FAM114A1: variants seen among roughly 807,000 people sequenced by gnomAD.
The protein encoded by FAM114A1 is protein NOXP20.
In FAM114A1, 62 loss-of-function variants were observed where a neutral mutation model predicts 64.3. The observed-to-expected ratio is 0.96, with a 90% CI of 0.79 to 1.19. The LOEUF is 1.19. Ranked by LOEUF, FAM114A1 falls within the 50% of genes most tolerant of loss-of-function variation. The pLI is 0.00. For missense variants in FAM114A1, 645 were observed against 676.3 expected (o/e 0.95, Z 0.51); for synonymous variants, 254 against 251.1 (o/e 1.01, Z -0.11).
intron 14 of FAM114A1, among the ~76,000 whole-genome samples, chr4:38,942,138 A>G (rs1400994986): frequency 2.0e-5 from 3 of 152,208 alleles, no homozygotes; most frequent in African/African-American, 7.2e-5. Flanking sequence ...CCCATGATTC[A>G]ATTACTTCCC....
In FAM114A1 at chr4:38,904,715, G is replaced by A. The variant is rs1717819400; in HGVS notation, c.437-807G>A. On this transcript the variant is annotated intron_variant, in intron 4 of 14. Coordinates refer to ENST00000358869, the MANE Select transcript of FAM114A1 (RefSeq NM_138389.4). The stretch of plus-strand genomic sequence containing the variant: ...TTTAAAGAAACATTCTGAGGCTCAG[G>A]TGATTTCAATCCAACCAATATTAAT... 2.6e-5 allele frequency among the ~76,000 whole-genome samples: 4 copies of A among 152,210 alleles called. No individual in the cohort carries two copies. In the South Asian group the frequency reaches 6.2e-4, roughly 24 times the overall value.
intron 12 of FAM114A1, among the ~76,000 whole-genome samples, chr4:38,935,152 G>C (rs755707488): frequency 6.6e-6 from 1 of 151,968 alleles, no homozygotes; most frequent in African/African-American, 2.4e-5. Flanking sequence ...CCTGACCTCC[G>C]GTGATCCACC....
intron 3 of FAM114A1, among the ~76,000 whole-genome samples, chr4:38,884,480 A>G (rs1459627048): frequency 1.3e-5 from 2 of 152,190 alleles, no homozygotes; most frequent in South Asian, 4.1e-4. Flanking sequence ...TCAGCCCTGG[A>G]AGGTTTCTGT....
At chr4:38,891,427 G>T (rs753271039) in intron 3 of FAM114A1, among the ~76,000 whole-genome samples, 9 of 152,092 alleles carry the variant, frequency 5.9e-5, no homozygotes, top group Admixed American at 1.3e-4. Flanking sequence ...GCCCTCATGC[G>T]TATCTTTTTC....
chr4:38,923,227 T>A (rs2109755233), intron 9 of FAM114A1, among the ~76,000 whole-genome samples: 1 of 149,636 alleles, frequency 6.7e-6, no homozygotes, highest in South Asian at 2.2e-4. Flanking sequence ...GCTGCCACTT[T>A]TTTTTTTTTT....
chr4:38,913,973 G>A (rs1718800621), intron 7 of FAM114A1, among the ~76,000 whole-genome samples: 1 of 151,838 alleles, frequency 6.6e-6, no homozygotes, highest in Non-Finnish European at 1.5e-5. Context: ...GGTGGCGGGT[G>A]CCTGTAATCC....
chr4:38,879,441 G>A (rs956203710), intron 3 of FAM114A1, among the ~76,000 whole-genome samples: 6 of 152,144 alleles, frequency 3.9e-5, no homozygotes, highest in Non-Finnish European at 8.8e-5. Flanking sequence ...ATGTCTCTGC[G>A]CTTCAGGTTT....
intron 3 of FAM114A1, among the ~76,000 whole-genome samples, chr4:38,886,360 G>A (rs1161843915): frequency 4.0e-5 from 6 of 151,236 alleles, no homozygotes; most frequent in Admixed American, 2.0e-4. Flanking sequence ...TAGTAGAGAC[G>A]GGGTTTCACC....
At chr4:38,895,443 T>C (rs1716836834) in intron 4 of FAM114A1, among the ~76,000 whole-genome samples, 1 of 152,160 alleles carries the variant, frequency 6.6e-6, no homozygotes, top group Non-Finnish European at 1.5e-5. Context: ...CTAAGGATGA[T>C]CTCTCTTTTG....
At chr4:38,923,093 A>G (rs945403685) in intron 9 of FAM114A1, among the ~76,000 whole-genome samples, 200 bp downstream of exon 9, 2 of 152,114 alleles carry the variant, frequency 1.3e-5, no homozygotes, top group African/African-American at 4.8e-5. Context: ...GGGAACTCCT[A>G]TTGGTCCTCT....
intron 2 of FAM114A1, among the ~76,000 whole-genome samples, chr4:38,873,938 G>A (rs984124839): frequency 6.6e-6 from 1 of 152,076 alleles, no homozygotes; most frequent in East Asian, 1.9e-4. Context: ...GGAAGTAAGG[G>A]GAAGAGCTGC....
chr4:38,910,418 G>A (rs980422361), intron 7 of FAM114A1, among the ~76,000 whole-genome samples: 1 of 152,180 alleles, frequency 6.6e-6, no homozygotes, highest in Non-Finnish European at 1.5e-5. Flanking sequence ...GTCCCAGGGG[G>A]CTCTCATGGC....
At chr4:38,933,433 C>T (rs761119300) in intron 12 of FAM114A1, among the ~76,000 whole-genome samples, 54 of 152,184 alleles carry the variant, frequency 3.5e-4, no homozygotes, top group Non-Finnish European at 5.9e-4. Context: ...GGACTTATAC[C>T]AGGTCTCCAC....
intron 12 of FAM114A1, among the ~76,000 whole-genome samples, chr4:38,934,692 T>TA (rs1223857450): frequency 6.6e-6 from 1 of 152,216 alleles, no homozygotes; most frequent in Non-Finnish European, 1.5e-5. Context: ...TTGTTTTTGT[T>TA]AAATATTTGT....
chr4:38,936,098 G>T (rs553493803), intron 13 of FAM114A1, among the ~76,000 whole-genome samples: 1,670 of 140,314 alleles, frequency 0.012, 25 homozygotes, highest in South Asian at 0.055. Context: ...TGTTTTTTTT[G>T]TTTTTTTTTT....
intron 4 of FAM114A1, among the ~76,000 whole-genome samples, chr4:38,902,243 G>T: frequency 6.6e-6 from 1 of 152,130 alleles, no homozygotes; most frequent in East Asian, 1.9e-4. Context: ...TACCTCATAA[G>T]ATCATTGAGA....
chr4:38,874,218 G>A (rs1158783285), intron 2 of FAM114A1, among the ~76,000 whole-genome samples: 1 of 152,166 alleles, frequency 6.6e-6, no homozygotes, highest in South Asian at 2.1e-4. Flanking sequence ...CTGTAAAATG[G>A]AGCTGATAAC....
At chr4:38,875,859 AT>A (rs1461671889) in intron 2 of FAM114A1, among the ~76,000 whole-genome samples, 4 of 152,182 alleles carry the variant, frequency 2.6e-5, no homozygotes, top group South Asian at 4.1e-4. Context: ...GAGACAGAAC[AT>A]TTTTATCACC....
At chr4:38,891,329 T>G (rs1716361876) in intron 3 of FAM114A1, among the ~76,000 whole-genome samples, 1 of 149,738 alleles carries the variant, frequency 6.7e-6, no homozygotes, top group African/African-American at 2.5e-5. Flanking sequence ...AGTTTAAAAG[T>G]TAACTCTACC....
Sources: gnomAD v4.1 joint callset for allele counts (sites outside exome capture counted in the v4.1 genomes callset) on GRCh38, gnomAD v4.1.1 for gene constraint, MANE v1.5 for transcripts, NCBI Gene and HGNC (gene_info 2026-07-23, HGNC 2026-07-21) for gene names.